The following CEP63 variants were observed in gnomAD, a reference collection of about 807,000 sequenced individuals.
CEP63 encodes the protein centrosomal protein of 63 kDa.
CEP63 carries 84 observed loss-of-function variants against 89.1 expected under a neutral mutation model. The observed-to-expected ratio is 0.94, with a 90% confidence interval of 0.79 to 1.13. The LOEUF is 1.13. Ranked by LOEUF, CEP63 falls within the 50% of genes most tolerant of loss-of-function variation. The probability of loss-of-function intolerance (pLI) is 0.00; values close to 1 mark genes in which losing one functional copy is unlikely to be tolerated. For missense variants in CEP63, 838 were observed against 813.3 expected (o/e 1.03, Z -0.37); for synonymous variants, 267 against 272.5 (o/e 0.98, Z 0.20).
At chr3:134,490,645 A>G (rs1397689569) in intron 1 of CEP63, among the ~76,000 whole-genome samples, 1 of 52,610 alleles carries the variant, frequency 1.9e-5, no homozygotes, top group African/African-American at 5.9e-5. Context: ...CCTTAGCATA[A>G]TTCCCATAAA....
intron 6 of CEP63, among the ~76,000 whole-genome samples, chr3:134,542,315 A>G (rs532730316): frequency 1.3e-5 from 2 of 152,284 alleles, no homozygotes; most frequent in East Asian, 3.9e-4. Flanking sequence ...CCCTAACTCA[A>G]ATGTTGATCT....
intron 3 of CEP63, among the ~76,000 whole-genome samples, chr3:134,508,841 C>A (rs1486973178): frequency 2.6e-5 from 4 of 152,108 alleles, no homozygotes; most frequent in African/African-American, 9.7e-5. Flanking sequence ...TAATTTGCTA[C>A]TTCATTGATT....
Position 134,562,894 on chromosome 3 carries a change from C to T in CEP63, c.*1359C>T, listed in dbSNP as rs1443909158. The T allele has an allele frequency of 6.6e-6, 1 of 152,346 alleles. No individual in the cohort carries two copies. The highest frequency in any genetic ancestry group is 2.4e-5 in the African/African-American group (1 of 41,436). The allele number at this position is 152,346 out of a possible 1,614,324, so 9.4% of individuals were successfully genotyped here. ...CCCCTAGAGCTCTGTCATGGGTTTT[C>T]TCCCTCAGCATTCTCTTCCCTAGAA... On this transcript the variant is annotated 3_prime_UTR_variant, in exon 15 of 15. Transcript: ENST00000675561.
chr3:134,533,701 G>A (rs1341106690), intron 5 of CEP63, among the ~76,000 whole-genome samples: 2 of 152,170 alleles, frequency 1.3e-5, no homozygotes, highest in Non-Finnish European at 1.5e-5. Flanking sequence ...TGATCCAGCA[G>A]TATGGCATAG....
intron 3 of CEP63, among the ~76,000 whole-genome samples, chr3:134,524,482 G>A (rs1418693539): frequency 6.6e-6 from 1 of 151,922 alleles, no homozygotes; most frequent in Non-Finnish European, 1.5e-5. Flanking sequence ...AGGGTTTCCA[G>A]CTTTTGCCCA....
At chr3:134,653,823 T>C in the CEP63 span, among the ~76,000 whole-genome samples, 1 of 152,156 alleles carries the variant, frequency 6.6e-6, no homozygotes, top group Non-Finnish European at 1.5e-5. Flanking sequence ...CCTTTTTCCC[T>C]ACCAAACCCA....
At chr3:134,496,849 A>G (rs1444402659) in intron 2 of CEP63, among the ~76,000 whole-genome samples, 1 of 152,212 alleles carries the variant, frequency 6.6e-6, no homozygotes, top group African/African-American at 2.4e-5. Flanking sequence ...AGAAAACTCC[A>G]TTTAGTTTTC....
chr3:134,537,316 C>T (rs372902416), intron 6 of CEP63, 48 bp downstream of exon 6: 15 of 1,199,946 alleles, frequency 1.3e-5, no homozygotes, highest in East Asian at 2.3e-5. Flanking sequence ...AGGTTTTGAT[C>T]AAGTTTGAAC....
the CEP63 span, among the ~76,000 whole-genome samples, chr3:134,732,554 G>A: frequency 6.6e-6 from 1 of 151,866 alleles, no homozygotes; most frequent in South Asian, 2.1e-4. Context: ...ACATTTGAAT[G>A]AAATTTTTTT....
the CEP63 span, chr3:134,601,066 G>A: frequency 6.6e-6 from 1 of 152,354 alleles, no homozygotes; most frequent in East Asian, 1.9e-4. Flanking sequence ...CGTCGCCCGG[G>A]AAACAAAGAT....
At chr3:134,743,769 A>G in the CEP63 span, among the ~76,000 whole-genome samples, 1 of 152,072 alleles carries the variant, frequency 6.6e-6, no homozygotes, top group South Asian at 2.1e-4. Context: ...CTTCTTCCCC[A>G]TTGGAACAAT....
chr3:134,619,303 C>G, the CEP63 span: 2 of 1,528,356 alleles, frequency 1.3e-6, no homozygotes, highest in South Asian at 1.1e-5. Context: ...GAGCTTGAGC[C>G]TGGGAGGCGA....
At chr3:134,585,575 G>C (rs577046814) in intron 10 of CEP63, among the ~76,000 whole-genome samples, 6 of 152,268 alleles carry the variant, frequency 3.9e-5, no homozygotes, top group African/African-American at 1.2e-4. Context: ...TGTGATTTCT[G>C]TTCTCTTACA....
Position 134,564,172 on chromosome 3 carries a change from T to A in CEP63, c.*2637T>A, listed in dbSNP as rs1240962462. The A allele has an allele frequency of 1.3e-6, 1 of 771,484 alleles. No individual in the cohort carries two copies. The highest frequency in any genetic ancestry group is 1.3e-4 in the East Asian group (1 of 7,776). The allele number at this position is 771,484 out of a possible 1,614,324, so 47.8% of individuals were successfully genotyped here. On this transcript the variant is annotated 3_prime_UTR_variant, in exon 15 of 15. Coordinates refer to ENST00000675561, the MANE Select transcript of CEP63 (RefSeq NM_001353108.3). ...CTTGAGGGCAAGGACTTTGCTTCTC[T>A]GGTTCATGGTGGGATCCTCATCACC... is the stretch of plus-strand genomic sequence containing the variant.
intron 10 of CEP63, among the ~76,000 whole-genome samples, chr3:134,581,265 A>G (rs4423809): frequency 0.33 from 50,811 of 152,044 alleles, 8,855 homozygotes; most frequent in African/African-American, 0.41. Flanking sequence ...ATAAGAAATC[A>G]ATATACCACA....
the CEP63 span, among the ~76,000 whole-genome samples, chr3:134,639,323 C>T: frequency 6.6e-6 from 1 of 152,126 alleles, no homozygotes; most frequent in Non-Finnish European, 1.5e-5. Context: ...CTGCCAAACA[C>T]AGCATGAAAA....
At chr3:134,725,698 G>C in the CEP63 span, among the ~76,000 whole-genome samples, 1 of 152,206 alleles carries the variant, frequency 6.6e-6, no homozygotes, top group Non-Finnish European at 1.5e-5. Context: ...GAACTTTATT[G>C]CTTACAGTAA....
At chr3:134,509,640 A>G (rs962333651) in intron 3 of CEP63, among the ~76,000 whole-genome samples, 1 of 152,214 alleles carries the variant, frequency 6.6e-6, no homozygotes, top group Non-Finnish European at 1.5e-5. Context: ...TAATAAGACA[A>G]TATTGGAGAC....
the CEP63 span, among the ~76,000 whole-genome samples, chr3:134,765,108 G>T: frequency 6.6e-6 from 1 of 152,240 alleles, no homozygotes; most frequent in East Asian, 1.9e-4. Context: ...CTGATAATTT[G>T]CATTCCTAAG....
Sources: gnomAD v4.1 joint callset for allele counts (sites outside exome capture counted in the v4.1 genomes callset) on GRCh38, gnomAD v4.1.1 for gene constraint, MANE v1.5 for transcripts, NCBI Gene and HGNC (gene_info 2026-07-23, HGNC 2026-07-21) for gene names.